DCC: variants seen among roughly 807,000 people sequenced by gnomAD.
DCC encodes the protein DCC netrin 1 receptor.
Under a neutral mutation model 172.5 loss-of-function variants are expected in DCC, and 58 were observed. The observed-to-expected ratio is 0.34, with a 90% CI of 0.27 to 0.42. DCC has a LOEUF of 0.42. Ranked by LOEUF, DCC falls within the 10% of genes least tolerant of loss-of-function variation. DCC has a pLI of 1.00. For missense variants in DCC, 1,740 were observed against 1,791.0 expected, an observed-to-expected ratio of 0.97 and a Z score of 0.51; for synonymous variants, 709 against 644.5, an observed-to-expected ratio of 1.10 and a Z score of -1.52.
chr18:52,540,483 T>G (rs989855939), intron 1 of DCC, among the ~76,000 whole-genome samples: 2 of 152,138 alleles, frequency 1.3e-5, no homozygotes, highest in African/African-American at 2.4e-5. Context: ...TGCTTTGTCT[T>G]TTGTTTAAAA....
At chr18:52,400,216 G>T (rs930124612) in intron 1 of DCC, among the ~76,000 whole-genome samples, 1 of 151,866 alleles carries the variant, frequency 6.6e-6, no homozygotes, top group African/African-American at 2.4e-5. Context: ...CAATTCATAA[G>T]GGTAGCAAGG....
chr18:53,003,938 G>A (rs993720268), intron 5 of DCC, among the ~76,000 whole-genome samples: 8 of 151,932 alleles, frequency 5.3e-5, no homozygotes, highest in Non-Finnish European at 2.9e-5. Flanking sequence ...TAATTTTTTT[G>A]TATATACATG....
intron 9 of DCC, among the ~76,000 whole-genome samples, chr18:53,189,228 T>G (rs2055331996): frequency 6.6e-6 from 1 of 151,834 alleles, no homozygotes. Context: ...TATATGTATA[T>G]ATGTGTGTGT....
chr18:53,263,772 C>G (rs1249472353), intron 12 of DCC, among the ~76,000 whole-genome samples: 1 of 151,778 alleles, frequency 6.6e-6, no homozygotes, highest in Admixed American at 6.6e-5. Flanking sequence ...CTGTTAGTAG[C>G]TCTAAATATT....
At chr18:52,985,122 T>A (rs1294250404) in intron 5 of DCC, among the ~76,000 whole-genome samples, 1 of 152,096 alleles carries the variant, frequency 6.6e-6, no homozygotes, top group East Asian at 1.9e-4. Context: ...ACCACGTAAC[T>A]GTCATTTCAG....
chr18:52,709,290 A>G (rs2145051629), intron 1 of DCC, among the ~76,000 whole-genome samples: 1 of 152,330 alleles, frequency 6.6e-6, no homozygotes, highest in East Asian at 1.9e-4. Flanking sequence ...CTAACACATC[A>G]TGCTACTTAT....
intron 27 of DCC, among the ~76,000 whole-genome samples, chr18:53,502,517 T>C (rs1315356614): frequency 4.6e-5 from 7 of 152,204 alleles, no homozygotes; most frequent in Admixed American, 4.6e-4. Context: ...TTCTTAGACT[T>C]AAAGATGAAA....
At chr18:53,015,200 T>G (rs959730303) in intron 5 of DCC, among the ~76,000 whole-genome samples, 3 of 152,200 alleles carry the variant, frequency 2.0e-5, no homozygotes, top group African/African-American at 7.2e-5. Flanking sequence ...AATCCCAATC[T>G]GACTTTAATT....
chr18:52,703,319 C>T (rs2036156111), intron 1 of DCC, among the ~76,000 whole-genome samples: 2 of 152,166 alleles, frequency 1.3e-5, no homozygotes, highest in Admixed American at 1.3e-4. Flanking sequence ...AAGGCTCCTT[C>T]TTCATCCCCT....
chr18:52,967,718 C>G (rs151089311), intron 5 of DCC, among the ~76,000 whole-genome samples: 16 of 152,182 alleles, frequency 1.1e-4, no homozygotes, highest in African/African-American at 3.6e-4. Context: ...CTTTCACATT[C>G]AATATGTTTG....
rs185532781 is a variant in DCC at position 52,748,601 on chromosome 18, G to T, written c.92-3453G>T. Among the ~76,000 whole-genome samples the T allele has an allele frequency of 9.8e-5, 15 of 152,294 alleles. No individual in the cohort carries two copies. The East Asian group carries it at 2.9e-3, about 29-fold the overall frequency. On this transcript the variant is annotated intron_variant, in intron 1 of 28. Transcript: ENST00000442544. Reference sequence around the variant, plus strand: ...CCCACTGCAGCTTCTTGTCGTCTTGGGTGGCCACTCGGGCAGCAGTGGAGG... The same window carrying T: ...CCCACTGCAGCTTCTTGTCGTCTTGTGTGGCCACTCGGGCAGCAGTGGAGG...
chr18:52,578,840 T>C (rs1482373270), intron 1 of DCC, among the ~76,000 whole-genome samples: 4 of 151,916 alleles, frequency 2.6e-5, no homozygotes, highest in Non-Finnish European at 4.4e-5. Flanking sequence ...CTACTAAAAA[T>C]ACAAAAACAA....
intron 12 of DCC, among the ~76,000 whole-genome samples, chr18:53,218,040 G>T (rs544190293): frequency 7.9e-5 from 12 of 151,846 alleles, no homozygotes; most frequent in African/African-American, 2.4e-4. Context: ...TGAAAGACAG[G>T]GTCTCATTAT....
At chr18:52,603,243 G>T (rs2034054788) in intron 1 of DCC, among the ~76,000 whole-genome samples, 1 of 152,056 alleles carries the variant, frequency 6.6e-6, no homozygotes, top group Admixed American at 6.6e-5. Flanking sequence ...CCGTCTAACT[G>T]AAAAGAACAT....
chr18:52,575,060 G>A (rs1213234464), intron 1 of DCC, among the ~76,000 whole-genome samples: 4 of 152,098 alleles, frequency 2.6e-5, no homozygotes, highest in African/African-American at 7.2e-5. Flanking sequence ...AGGATTAAGA[G>A]TCATAGCTAA....
chr18:52,808,711 T>C (rs2038136331), intron 2 of DCC, among the ~76,000 whole-genome samples: 1 of 152,210 alleles, frequency 6.6e-6, no homozygotes, highest in Non-Finnish European at 1.5e-5. Context: ...CTCCTTGCTT[T>C]AATCATATTA....
intron 2 of DCC, among the ~76,000 whole-genome samples, chr18:52,764,939 A>T (rs894675420): frequency 1.3e-5 from 2 of 152,188 alleles, no homozygotes; most frequent in Non-Finnish European, 2.9e-5. Context: ...TCAGCATACC[A>T]TAGAAGAATG....
chr18:52,416,363 G>A (rs1368936004), intron 1 of DCC, among the ~76,000 whole-genome samples: 1 of 152,018 alleles, frequency 6.6e-6, no homozygotes, highest in Admixed American at 6.6e-5. Flanking sequence ...ATTTGGGGTG[G>A]AGAGTTCTGT....
At chr18:53,230,357 G>A (rs994782453) in intron 12 of DCC, among the ~76,000 whole-genome samples, 4 of 151,902 alleles carry the variant, frequency 2.6e-5, no homozygotes, top group Admixed American at 6.6e-5. Flanking sequence ...CATTAGTGAT[G>A]GATTATTTCA....
Sources: gnomAD v4.1 joint callset for allele counts (sites outside exome capture counted in the v4.1 genomes callset) on GRCh38, gnomAD v4.1.1 for gene constraint, MANE v1.5 for transcripts, NCBI Gene and HGNC (gene_info 2026-07-23, HGNC 2026-07-21) for gene names.